Variants in HECW1 observed in about 807,000 individuals in gnomAD.
HECW1 encodes E3 ubiquitin-protein ligase HECW1.
In HECW1, 61 loss-of-function variants were observed where a neutral mutation model predicts 182.3. The observed-to-expected ratio is 0.33, with a 90% CI of 0.27 to 0.41. The LOEUF (loss-of-function observed/expected upper bound fraction) is 0.41, where lower values mean the gene tolerates loss of function less well. Ranked by LOEUF, HECW1 falls within the 10% of genes least tolerant of loss-of-function variation. The probability of loss-of-function intolerance (pLI) is 1.00; values close to 1 mark genes in which losing one functional copy is unlikely to be tolerated. For missense variants in HECW1, 1,739 were observed against 2,108.9 expected (o/e 0.82, Z 3.44); for synonymous variants, 859 against 832.6 (o/e 1.03, Z -0.55).
rs899362426 is a variant in HECW1, at chr7:43,500,084, G to A, written c.3438-615G>A. 5.3e-5 allele frequency among the ~76,000 whole-genome samples: 8 copies of A among 151,120 alleles called. No individual in the cohort carries two copies. The East Asian group carries it at 5.8e-4, about 11-fold the overall frequency. ...TCTTTCCTCCCATGGCTTCCAACACGACATGAGCCAAGAACAGTCTTTTTT... is the reference window on the plus strand; with the variant it reads ...TCTTTCCTCCCATGGCTTCCAACACAACATGAGCCAAGAACAGTCTTTTTT... On this transcript the variant is annotated intron_variant, in intron 19 of 29. Coordinates refer to ENST00000395891, the MANE Select transcript of HECW1 (RefSeq NM_015052.5).
Position 43,328,995 on chromosome 7 carries a change from G to T in HECW1, c.460+8253G>T, listed in dbSNP as rs373678726. On this transcript the variant is annotated intron_variant, in intron 5 of 29. Transcript: ENST00000395891. Reference sequence around the variant, plus strand: ...CAGGGGCTCAGATCTAGACATGCAGGCTCCGTCCCTGCATGCCAAGGTTCT... The same window carrying T: ...CAGGGGCTCAGATCTAGACATGCAGTCTCCGTCCCTGCATGCCAAGGTTCT... Among the ~76,000 whole-genome samples, 8 of 152,272 alleles carry T rather than the reference G, an allele frequency of 5.3e-5. No individual in the cohort carries two copies. The East Asian group carries it at 1.4e-3, about 26-fold the overall frequency.
intron 24 of HECW1, among the ~76,000 whole-genome samples, chr7:43,539,682 C>G (rs956256182): frequency 3.3e-5 from 5 of 152,340 alleles, no homozygotes; most frequent in African/African-American, 1.2e-4. Context: ...AACCACGGGC[C>G]CATCACCTCT....
intron 17 of HECW1, among the ~76,000 whole-genome samples, 164 bp from the exon 18 acceptor site, chr7:43,491,911 A>C (rs1324615018): frequency 1.3e-5 from 2 of 152,244 alleles, no homozygotes; most frequent in Non-Finnish European, 1.5e-5. Context: ...GCACATCATC[A>C]ACTCTACTTA....
In HECW1 at chr7:43,542,939, C is replaced by T. The variant is rs115049421; in HGVS notation, c.4248+941C>T. Among the ~76,000 whole-genome samples the T allele has an allele frequency of 9.2e-3, 1,395 of 152,238 alleles. 14 individuals carry two copies. Among genetic ancestry groups the T allele is most frequent in the African/African-American group, 0.032 (1,309 of 41,532 alleles). ...ATTTTTGTGAAGTACGTCATACATA[C>T]GTCAGGGATTTCTGCTATCTGTGCC... On this transcript the variant is annotated intron_variant, in intron 26 of 29. Transcript: ENST00000395891.
intron 2 of HECW1, among the ~76,000 whole-genome samples, chr7:43,161,153 T>C (rs1157872458): frequency 6.6e-6 from 1 of 152,140 alleles, no homozygotes; most frequent in Non-Finnish European, 1.5e-5. Context: ...GAATGAAGGA[T>C]GACAAAAGAA....
chr7:43,313,339 A>AT (rs3032878), intron 4 of HECW1, among the ~76,000 whole-genome samples: 43,266 of 142,576 alleles, frequency 0.3, 6,967 homozygotes, highest in South Asian at 0.53. Context: ...CCTAAAGAGC[A>AT]TTTTTTTTTT....
intron 5 of HECW1, among the ~76,000 whole-genome samples, chr7:43,336,169 TC>T (rs1396396822): frequency 7.2e-5 from 9 of 125,740 alleles, no homozygotes; most frequent in East Asian, 2.3e-4. Flanking sequence ...TCTCTCTCTC[TC>T]TCTCTCTCTC....
Position 43,466,459 on chromosome 7 carries a change from A to G in HECW1, c.2804A>G (p.Glu935Gly), listed in dbSNP as rs1465474040. The part of the protein sequence containing the change: ...SSQSSLDLRR[E>G]GSLSPVNSQK... ...CACTTTTTTTCAGATCTAAGGAGAG[A>G]AGGGTCACTTTCTCCAGTGAACTCA... The change falls in exon 15 of 30, where the codon GAA becomes GGA. Residue 935 changes from glutamate to glycine, a missense_variant. By Grantham distance (98) the Glu-to-Gly change is moderately conservative (BLOSUM62 -2). Around this residue, in one of 5 missense-constraint regions of HECW1, gnomAD observed 971 missense variants for 1,029.1 expected, o/e 0.94. Coordinates refer to ENST00000395891, the MANE Select transcript of HECW1 (RefSeq NM_015052.5). 1 of 1,613,518 alleles carries G rather than the reference A, an allele frequency of 6.2e-7. No homozygotes were observed. Among genetic ancestry groups the G allele is most frequent in the Non-Finnish European group, 8.5e-7 (1 of 1,179,704 alleles).
At chr7:43,429,361 A>G (rs1255784568) in intron 8 of HECW1, among the ~76,000 whole-genome samples, 1 of 145,328 alleles carries the variant, frequency 6.9e-6, no homozygotes, top group East Asian at 2.0e-4. Context: ...CCCTGCAGTT[A>G]CAAGGCTTAC....
chr7:43,126,893 G>A (rs889759649), intron 2 of HECW1, among the ~76,000 whole-genome samples: 1 of 152,140 alleles, frequency 6.6e-6, no homozygotes, highest in South Asian at 2.1e-4. Context: ...CAATAACTGT[G>A]GTGTGTGTTC....
intron 6 of HECW1, among the ~76,000 whole-genome samples, chr7:43,395,287 A>G (rs915610542): frequency 1.3e-5 from 2 of 152,182 alleles, no homozygotes; most frequent in Non-Finnish European, 2.9e-5. Context: ...GTAAACTACA[A>G]ACTAAGTTTC....
chr7:43,115,303 T>TC lies in HECW1; in HGVS notation c.-32+912_-32+913insC, dbSNP rs951640121. On this transcript the variant is annotated intron_variant, in intron 2 of 29. Coordinates refer to ENST00000395891, the MANE Select transcript of HECW1 (RefSeq NM_015052.5). ...TACTCACCAACTCAAACAGGTCTTT[T>TC]TTTTTTTTTTTTGTCCACTATAGCA... Among the ~76,000 whole-genome samples, 174 of 150,904 alleles carry TC rather than the reference T, an allele frequency of 1.2e-3. 1 individual carries two copies. Among genetic ancestry groups the TC allele is most frequent in the African/African-American group, 4.0e-3 (165 of 40,744 alleles).
At position 43,213,353 on chromosome 7, in the gene HECW1, A is replaced by G. The variant is rs75749011; in HGVS notation, c.-31-30522A>G. ...TGCTTATTTTGTTTGGATCATCTGTATACTACTGATGATAACTCTAACAAT... is the reference window on the plus strand; with the variant it reads ...TGCTTATTTTGTTTGGATCATCTGTGTACTACTGATGATAACTCTAACAAT... On this transcript the variant is annotated intron_variant, in intron 2 of 29. Transcript: ENST00000395891. Among the ~76,000 whole-genome samples, 1,298 of 151,966 alleles carry G rather than the reference A, an allele frequency of 8.5e-3. 13 individuals carry two copies. Among genetic ancestry groups the G allele is most frequent in the Middle Eastern group, 0.031 (9 of 292 alleles).
chr7:43,301,124 T>C (rs1275886955), intron 3 of HECW1, among the ~76,000 whole-genome samples: 2 of 152,156 alleles, frequency 1.3e-5, no homozygotes, highest in African/African-American at 2.4e-5. Flanking sequence ...CACTCTCCAA[T>C]GGAGAAGGTC....
At chr7:43,232,516 G>C (rs945125124) in intron 2 of HECW1, among the ~76,000 whole-genome samples, 19 of 152,162 alleles carry the variant, frequency 1.2e-4, no homozygotes, top group Admixed American at 1.2e-3. Flanking sequence ...CATCACATTT[G>C]GCTGTGGGTC....
chr7:43,269,898 T>C (rs575338034), intron 3 of HECW1, among the ~76,000 whole-genome samples: 3 of 152,162 alleles, frequency 2.0e-5, no homozygotes, highest in African/African-American at 7.2e-5. Context: ...AACCCTGCAA[T>C]GCATGGGACA....
chr7:43,177,276 A>G (rs1007070455), intron 2 of HECW1, among the ~76,000 whole-genome samples: 1 of 152,176 alleles, frequency 6.6e-6, no homozygotes, highest in African/African-American at 2.4e-5. Context: ...TGTAGGAACA[A>G]GTCCCAGCAC....
chr7:43,386,967 G>A (rs1308715961), intron 6 of HECW1, among the ~76,000 whole-genome samples: 3 of 152,176 alleles, frequency 2.0e-5, no homozygotes, highest in Non-Finnish European at 4.4e-5. Context: ...CCAGATGAGT[G>A]TGGCATGCCA....
chr7:43,325,801 C>T (rs924923059), intron 5 of HECW1, among the ~76,000 whole-genome samples: 2 of 152,192 alleles, frequency 1.3e-5, no homozygotes, highest in African/African-American at 4.8e-5. Context: ...TGTCTTGCCC[C>T]TCGTTTCCTC....
Sources: gnomAD v4.1 joint callset for allele counts (sites outside exome capture counted in the v4.1 genomes callset) on GRCh38, gnomAD v4.1.1 for gene constraint, gnomAD v4.1.1 regional missense constraint, MANE v1.5 for transcripts, NCBI Gene and HGNC (gene_info 2026-07-23, HGNC 2026-07-21) for gene names.